The following BEND3 variants were observed in gnomAD, a reference collection of about 807,000 sequenced individuals.
BEND3 encodes the protein BEN domain containing 3.
Under a neutral mutation model 60.1 loss-of-function variants are expected in BEND3, and 13 were observed. That is an observed-to-expected ratio of 0.22 (90% CI 0.14 to 0.34). The LOEUF (loss-of-function observed/expected upper bound fraction) is 0.34. Among genes scored for constraint, BEND3 ranks in the 10% least tolerant of loss-of-function variants. BEND3 has a pLI of 1.00. For synonymous variants in BEND3, 497 were observed against 491.5 expected (o/e 1.01, Z -0.15); for missense variants, 896 against 1,138.1 (o/e 0.79, Z 3.06).
intron 1 of BEND3, among the ~76,000 whole-genome samples, chr6:107,099,513 T>C (rs1024937611): frequency 3.9e-5 from 6 of 152,200 alleles, no homozygotes; most frequent in Non-Finnish European, 8.8e-5. Flanking sequence ...TCCAAGACTT[T>C]ATGTGAGCAG....
At chr6:107,095,280 A>C (rs915868946) in intron 3 of BEND3, among the ~76,000 whole-genome samples, 3 of 152,126 alleles carry the variant, frequency 2.0e-5, no homozygotes, top group African/African-American at 7.2e-5. Flanking sequence ...TGAGGCCAGG[A>C]GGTCAAGAAT....
intron 3 of BEND3, among the ~76,000 whole-genome samples, chr6:107,073,356 G>A (rs1234026416): frequency 6.8e-6 from 1 of 147,410 alleles, no homozygotes; most frequent in Non-Finnish European, 1.5e-5. Flanking sequence ...AGAGGACCAA[G>A]GACATACCAG....
intron 3 of BEND3, 82 bp downstream of exon 3, chr6:107,098,469 T>C (rs1775633732): frequency 1.4e-6 from 2 of 1,445,830 alleles, no homozygotes; most frequent in Admixed American, 1.8e-5. Context: ...GTTGCCAGGA[T>C]GCCCAAAACA....
intron 3 of BEND3, among the ~76,000 whole-genome samples, chr6:107,085,426 G>A (rs1219960902): frequency 6.6e-6 from 1 of 152,112 alleles, no homozygotes; most frequent in Non-Finnish European, 1.5e-5. Flanking sequence ...GAGGGGAAAG[G>A]GAACCAATCT....
rs567784051 is a variant in BEND3 at position 107,083,042 on chromosome 6, T to C, written c.241-12092A>G. ...ACTGGGTTGATGTATGGGGATGTTTTCCCGGCATTACTTGTAATAATATAA... is the reference window on the plus strand; with the variant it reads ...ACTGGGTTGATGTATGGGGATGTTTCCCCGGCATTACTTGTAATAATATAA... On this transcript the variant is annotated intron_variant, in intron 3 of 3. Transcript: ENST00000369042. Among the ~76,000 whole-genome samples the C allele has an allele frequency of 3.3e-5, 5 of 152,294 alleles. No homozygotes were observed. In the East Asian group the frequency reaches 9.7e-4, roughly 29 times the overall value.
intron 3 of BEND3, among the ~76,000 whole-genome samples, chr6:107,077,390 G>A (rs1554232898): frequency 6.6e-6 from 1 of 152,078 alleles, no homozygotes; most frequent in Non-Finnish European, 1.5e-5. Flanking sequence ...TCTGACCTGA[G>A]CCGGTTCACC....
At position 107,068,279 on chromosome 6, in the gene BEND3, A is replaced by AT. The variant is rs1178245604; in HGVS notation, c.*424dup. On this transcript the variant is annotated 3_prime_UTR_variant, in exon 4 of 4. Coordinates refer to ENST00000369042, the MANE Select transcript of BEND3 (RefSeq NM_001367314.1). The surrounding 1 kb of genome is among the most constrained non-coding windows in gnomAD (Gnocchi z 5.8). ...AAAATGGCCCCCAAAGAGCCCAATG[A>AT]TTTTTTTTAAGGGTTTCTTTTTAAT... 4 of 156,894 alleles carry AT rather than the reference A, an allele frequency of 2.5e-5. No homozygotes were observed. The highest frequency in any genetic ancestry group is 4.2e-5 in the Non-Finnish European group (3 of 71,608). The allele number at this position is 156,894 out of a possible 1,614,324, so 9.7% of individuals were successfully genotyped here. A position where few individuals can be genotyped will look rare whatever the true frequency, so the allele number is the denominator to read the frequency against.
rs782117914 is a variant in BEND3, at chr6:107,070,317, C to T, written c.874G>A (p.Gly292Ser). The change falls in exon 4 of 4, where the codon GGC (glycine) becomes AGC (serine). Residue 292 changes from glycine (G) to serine (S), a missense_variant. Transcript: ENST00000369042. This position sits in a 1 kb window ranked among gnomAD's most constrained non-coding sequence, Gnocchi z 6.9. The part of the protein sequence containing the change: ...VDFSRGCSAC[G>S]FAAKRKLESL... ...TCCAGCTTGCGCTTGGCCGCAAAGC[C>T]ACAGGCACTGCAGCCCCGGGAGAAG... 6.2e-7 allele frequency: 1 copy of T among 1,613,002 alleles called. No individual in the cohort carries two copies. Among genetic ancestry groups the T allele is most frequent in the Non-Finnish European group, 8.5e-7 (1 of 1,180,032 alleles).
intron 3 of BEND3, among the ~76,000 whole-genome samples, chr6:107,085,137 T>A (rs1379275243): frequency 1.3e-5 from 2 of 151,982 alleles, no homozygotes; most frequent in East Asian, 3.9e-4. Flanking sequence ...GCTGTAACAC[T>A]CACTGCGAAG....
intron 3 of BEND3, among the ~76,000 whole-genome samples, chr6:107,077,423 A>AC (rs1459197026): frequency 6.6e-6 from 1 of 152,106 alleles, no homozygotes; most frequent in African/African-American, 2.4e-5. Context: ...ACCCAGTGGT[A>AC]CCCCTCACTA....
chr6:107,083,882 G>A (rs763958767), intron 3 of BEND3, among the ~76,000 whole-genome samples: 1 of 152,156 alleles, frequency 6.6e-6, no homozygotes, highest in Non-Finnish European at 1.5e-5. Context: ...GAGGCTAGGA[G>A]TTTGAGACCA....
rs1554231340 is a variant in BEND3 at position 107,069,128 on chromosome 6, G to T, written c.2063C>A (p.Pro688Gln). ...CTTGCTGCTCCTCTCGGGGGGCAGT[G>T]GGGGCCCCTCAAACTCCTCCCGGAA... is the stretch of plus-strand genomic sequence containing the variant. ...ERFREEFEGP[P>Q]LPPERSSKDF... The change falls in exon 4 of 4, where the codon CCA becomes CAA. Residue 688 changes from proline to glutamine, a missense_variant. This residue lies in a region of BEND3 where 846 missense variants were observed against 1,036.7 expected (regional missense o/e 0.82). Transcript: ENST00000369042. 2.5e-6 allele frequency: 4 copies of T among 1,612,642 alleles called. No individual in the cohort carries two copies. In the African/African-American group the frequency reaches 4.0e-5, roughly 16 times the overall value.
At chr6:107,078,862 G>A (rs758640223) in intron 3 of BEND3, among the ~76,000 whole-genome samples, 2 of 151,864 alleles carry the variant, frequency 1.3e-5, no homozygotes, top group African/African-American at 2.4e-5. Flanking sequence ...AGAGAAGGGC[G>A]GGTCCCTGGC....
At chr6:107,086,545 G>A (rs979614620) in intron 3 of BEND3, among the ~76,000 whole-genome samples, 19 of 151,740 alleles carry the variant, frequency 1.3e-4, no homozygotes, top group African/African-American at 4.6e-4. Flanking sequence ...AATCTGGGAG[G>A]CGAAGGTTGC....
intron 1 of BEND3, 55 bp from the exon 2 acceptor site, chr6:107,099,351 T>C (rs1775658483): frequency 1.3e-6 from 2 of 1,509,000 alleles, no homozygotes; most frequent in Non-Finnish European, 1.8e-6. Context: ...TATTTCTTAA[T>C]TTTCTCTACC....
At chr6:107,082,833 T>G (rs1265084565) in intron 3 of BEND3, among the ~76,000 whole-genome samples, 1 of 152,230 alleles carries the variant, frequency 6.6e-6, no homozygotes. Context: ...ATTTCCCGAA[T>G]TCTGGCTTTA....
At chr6:107,085,113 C>T (rs1031019205) in intron 3 of BEND3, among the ~76,000 whole-genome samples, 51 of 152,054 alleles carry the variant, frequency 3.4e-4, no homozygotes, top group African/African-American at 1.2e-3. Flanking sequence ...ACTTTGGATG[C>T]GCCACCTTTA....
intron 3 of BEND3, among the ~76,000 whole-genome samples, chr6:107,080,605 G>A (rs144231664): frequency 6.7e-6 from 1 of 150,122 alleles, no homozygotes; most frequent in East Asian, 2.0e-4. Context: ...GGGTTGGCTG[G>A]GCACAGTGGC....
chr6:107,101,875 A>G (rs782415234), intron 1 of BEND3, among the ~76,000 whole-genome samples: 12 of 152,214 alleles, frequency 7.9e-5, no homozygotes, highest in African/African-American at 1.7e-4. Context: ...CCATGGTCAC[A>G]TAACCCATTC....
Sources: allele counts gnomAD v4.1 joint callset (sites outside exome capture counted in the v4.1 genomes callset), GRCh38; gene constraint gnomAD v4.1.1; regional missense constraint gnomAD v4.1.1; non-coding constraint Gnocchi (gnomAD v3.1); transcripts MANE v1.5; gene names NCBI Gene and HGNC (gene_info 2026-07-23, HGNC 2026-07-21).